Variants in COL4A3 observed in about 807,000 individuals in gnomAD.
The protein encoded by COL4A3 is collagen type IV alpha 3 chain, also known as collagen alpha-3(IV) chain.
A neutral mutation model predicts 217.4 loss-of-function variants in COL4A3; 135 were observed. The ratio of observed to expected loss-of-function variants is 0.62; its 90% CI spans 0.54 to 0.72. The LOEUF is 0.72. COL4A3 is among the 30% of genes least tolerant of loss of function. The pLI is 0.00. For missense variants in COL4A3, 1,868 were observed against 2,119.9 expected (o/e 0.88, Z 2.33); for synonymous variants, 690 against 736.3 (o/e 0.94, Z 1.02).
chr2:227,301,166 G>A (rs2073271762), intron 43 of COL4A3, among the ~76,000 whole-genome samples: 2 of 152,206 alleles, frequency 1.3e-5, no homozygotes, highest in African/African-American at 4.8e-5. Context: ...ATCCCTTAAT[G>A]AACTGCCTTT....
chr2:227,305,426 G>A (rs981435226), intron 47 of COL4A3: 1 of 295,766 alleles, frequency 3.4e-6, no homozygotes. Context: ...ATTTATAGGA[G>A]CAGTACATAA....
In COL4A3 at chr2:227,203,938, G is replaced by A. The variant is rs907245188; in HGVS notation, c.88-34030G>A. On this transcript the variant is annotated intron_variant, in intron 1 of 51. Coordinates refer to ENST00000396578, the MANE Select transcript of COL4A3 (RefSeq NM_000091.5). The stretch of plus-strand genomic sequence containing the variant: ...AGAATTTTGTCTAATGTCAATTGCT[G>A]GATTCCCAGCTCCCAGACCAGTACC... Among the ~76,000 whole-genome samples the A allele has an allele frequency of 3.3e-5, 5 of 152,010 alleles. No homozygotes were observed. The East Asian group carries it at 9.7e-4, about 29-fold the overall frequency.
chr2:227,306,180 C>A (rs907482436), intron 47 of COL4A3, among the ~76,000 whole-genome samples: 1 of 151,994 alleles, frequency 6.6e-6, no homozygotes, highest in African/African-American at 2.4e-5. Context: ...AAGAATGGGG[C>A]AACAGCAAGA....
Position 227,310,846 on chromosome 2 carries a change from G to A in COL4A3, c.4826G>A (p.Arg1609Gln), listed in dbSNP as rs1380878336. 8.7e-6 allele frequency: 14 copies of A among 1,614,040 alleles called. No homozygotes were observed. Among genetic ancestry groups the A allele is most frequent in the East Asian group, 2.2e-5 (1 of 44,894 alleles). ...ASPGSCLEEF[R>Q]ASPFLECHGR... ...CCTGGCTCCTGCCTGGAAGAATTCCGAGCCAGCCCATTTCTAGAATGTCAT... is the reference window on the plus strand; with the variant it reads ...CCTGGCTCCTGCCTGGAAGAATTCCAAGCCAGCCCATTTCTAGAATGTCAT... Residue 1609 changes from arginine (R) to glutamine (Q), a missense_variant, in exon 51 of 52, where the codon CGA becomes CAA. Coordinates refer to ENST00000396578, the MANE Select transcript of COL4A3 (RefSeq NM_000091.5).
At chr2:227,260,305 G>A (rs1348433616) in intron 19 of COL4A3, among the ~76,000 whole-genome samples, 1 of 152,198 alleles carries the variant, frequency 6.6e-6, no homozygotes, top group Non-Finnish European at 1.5e-5. Flanking sequence ...ATTGTCACAT[G>A]TACTTATGCT....
In COL4A3 at chr2:227,217,953, C is replaced by G. The variant is rs888578806; in HGVS notation, c.88-20015C>G. ...AGTGCTGGCACAAGGGCAGAAGACA[C>G]TCTCAGCATTGCTTTAAGAGTCAGA... On this transcript the variant is annotated intron_variant, in intron 1 of 51. Transcript: ENST00000396578. Among the ~76,000 whole-genome samples the G allele has an allele frequency of 1.6e-4, 25 of 151,642 alleles. 1 individual carries two copies. The highest frequency in any genetic ancestry group is 6.0e-4 in the African/African-American group (25 of 41,348).
intron 29 of COL4A3, among the ~76,000 whole-genome samples, chr2:227,280,140 A>G (rs1471775095): frequency 6.6e-6 from 1 of 152,266 alleles, no homozygotes; most frequent in Non-Finnish European, 1.5e-5. Flanking sequence ...CAGAGTATTT[A>G]AAATGGGACA....
In COL4A3 at chr2:227,253,289, C is replaced by T. The variant is rs749329223; in HGVS notation, c.646-7C>T. On this transcript the variant is annotated splice_region_variant and splice_polypyrimidine_tract_variant and intron_variant, in intron 11 of 51. Coordinates refer to ENST00000396578, the MANE Select transcript of COL4A3 (RefSeq NM_000091.5). The surrounding 1 kb of genome is among the most constrained non-coding windows in gnomAD (Gnocchi z 4.4). ...AGAAAATAATTTGGTTTTGTGTTTT[C>T]TTACAGGGTCACATGGGTGAAAGAG... 6 of 1,612,780 alleles carry T rather than the reference C, an allele frequency of 3.7e-6. No homozygotes were observed. Among genetic ancestry groups the T allele is most frequent in the Admixed American group, 1.7e-5 (1 of 59,972 alleles).
At chr2:227,291,536 C>T (rs1294264606) in intron 37 of COL4A3, among the ~76,000 whole-genome samples, 3 of 127,390 alleles carry the variant, frequency 2.4e-5, no homozygotes, top group Non-Finnish European at 4.7e-5. Flanking sequence ...GCACTCCAAC[C>T]TGGGAGACAC....
intron 1 of COL4A3, among the ~76,000 whole-genome samples, chr2:227,230,123 A>G (rs936014348): frequency 1.3e-5 from 2 of 151,892 alleles, no homozygotes; most frequent in Non-Finnish European, 2.9e-5. Flanking sequence ...CTCAACATAG[A>G]TGGGTCCGTA....
At chr2:227,207,459 G>T (rs1254349238) in intron 1 of COL4A3, among the ~76,000 whole-genome samples, 1 of 151,916 alleles carries the variant, frequency 6.6e-6, no homozygotes, top group Non-Finnish European at 1.5e-5. Flanking sequence ...GCAGAGTCCA[G>T]TTAACAAGAG....
intron 1 of COL4A3, among the ~76,000 whole-genome samples, chr2:227,175,622 G>T (rs1417978095): frequency 6.6e-6 from 1 of 152,192 alleles, no homozygotes; most frequent in Non-Finnish European, 1.5e-5. Flanking sequence ...TGAGGTGGGG[G>T]ATGGGACACA....
intron 47 of COL4A3, among the ~76,000 whole-genome samples, chr2:227,306,531 T>C (rs73996416): frequency 0.058 from 8,784 of 152,122 alleles, 340 homozygotes; most frequent in African/African-American, 0.098. Flanking sequence ...ATTAAAACCA[T>C]GGCAACTTGG....
chr2:227,191,324 G>T lies in COL4A3; in HGVS notation c.87+26511G>T, dbSNP rs183840114. 6.6e-6 allele frequency among the ~76,000 whole-genome samples: 1 copy of T among 152,044 alleles called. No individual in the cohort carries two copies. Among genetic ancestry groups the T allele is most frequent in the East Asian group, 1.9e-4 (1 of 5,176 alleles). On this transcript the variant is annotated intron_variant, in intron 1 of 51. Coordinates refer to ENST00000396578, the MANE Select transcript of COL4A3 (RefSeq NM_000091.5). The surrounding 1 kb of genome is among the most constrained non-coding windows in gnomAD (Gnocchi z 6.8). ...AGGACGCAAAAGTTTAAGACTGTTG[G>T]CATATACAAAAGACCTATTTTCTGA... is the stretch of plus-strand genomic sequence containing the variant.
At position 227,280,575 on chromosome 2, in the gene COL4A3, C is replaced by T. The variant is rs937124617; in HGVS notation, c.2359C>T (p.Leu787Phe). The stretch of plus-strand genomic sequence containing the variant: ...CCCTGGAACTCCAGGAAATGAAGGG[C>T]TTGATGGACCACGAGGTACAATAGC... ...GLPGTPGNEG[L>F]DGPRGDPGQP... is the part of the protein sequence containing the mutation. Residue 787 changes from leucine to phenylalanine, a missense_variant, in exon 30 of 52, where the codon CTT becomes TTT. Physicochemically the swap from Leu to Phe is conservative, Grantham distance 22. Transcript: ENST00000396578. 6.2e-7 allele frequency: 1 copy of T among 1,614,094 alleles called. No homozygotes were observed. The highest frequency in any genetic ancestry group is 8.5e-7 in the Non-Finnish European group (1 of 1,179,982).
rs1195144676 is a variant in COL4A3, at chr2:227,308,937, C to A, written c.4501C>A (p.Pro1501Thr). 5 of 1,614,130 alleles carry A rather than the reference C, an allele frequency of 3.1e-6. No homozygotes were observed. The highest frequency in any genetic ancestry group is 2.2e-5 in the East Asian group (1 of 44,886). The change falls in exon 49 of 52, where the codon CCA becomes ACA. Residue 1501 changes from proline to threonine, a missense_variant. Pro to Thr is a conservative substitution (Grantham distance 38, BLOSUM62 -1). Coordinates refer to ENST00000396578, the MANE Select transcript of COL4A3 (RefSeq NM_000091.5). Reference protein sequence around the residue: ...GSCLQRFTTMPFLFCNVNDVC... With the variant: ...GSCLQRFTTMTFLFCNVNDVC... ...CTGCCTGCAGCGATTTACCACAATGCCATTCTTATTCTGCAATGTCAATGA... is the reference window on the plus strand; with the variant it reads ...CTGCCTGCAGCGATTTACCACAATGACATTCTTATTCTGCAATGTCAATGA...
chr2:227,231,016 A>G (rs2068373610), intron 1 of COL4A3, among the ~76,000 whole-genome samples: 1 of 152,236 alleles, frequency 6.6e-6, no homozygotes, highest in African/African-American at 2.4e-5. Flanking sequence ...ACACCTTGCC[A>G]ATTTAACTGA....
chr2:227,234,059 T>G (rs1007775909), intron 1 of COL4A3, among the ~76,000 whole-genome samples: 2 of 152,212 alleles, frequency 1.3e-5, no homozygotes, highest in African/African-American at 2.4e-5. Context: ...TTCTTAGTTT[T>G]GGGGATAAGG....
chr2:227,257,101 A>G (rs903111852), intron 17 of COL4A3, among the ~76,000 whole-genome samples: 1 of 152,264 alleles, frequency 6.6e-6, no homozygotes, highest in Non-Finnish European at 1.5e-5. Context: ...TATCATATAC[A>G]CAGTCCATCA....
Sources: allele counts gnomAD v4.1 joint callset (sites outside exome capture counted in the v4.1 genomes callset), GRCh38; gene constraint gnomAD v4.1.1; non-coding constraint Gnocchi (gnomAD v3.1); transcripts MANE v1.5; gene names NCBI Gene and HGNC (gene_info 2026-07-23, HGNC 2026-07-21).